Variants in WDR11 observed in about 807,000 individuals in gnomAD.
WDR11 encodes WD repeat-containing protein 11.
WDR11 carries 83 observed loss-of-function variants against 151.2 expected under a neutral mutation model. The observed-to-expected ratio is 0.55, with a 90% CI of 0.46 to 0.66. WDR11 has a LOEUF of 0.66. Among genes scored for constraint, WDR11 ranks in the 30% least tolerant of loss-of-function variants. WDR11 has a pLI of 0.00. For missense variants in WDR11, 1,301 were observed against 1,480.9 expected (o/e 0.88, Z 1.99); for synonymous variants, 484 against 533.1 (o/e 0.91, Z 1.27).
chr10:120,865,111 A>G lies in WDR11; in HGVS notation c.778A>G (p.Met260Val), dbSNP rs1846266876. The G allele has an allele frequency of 3.7e-6, 6 of 1,613,966 alleles. No individual in the cohort carries two copies. The highest frequency in any genetic ancestry group is 5.1e-6 in the Non-Finnish European group (6 of 1,179,874). ...ATACCTGCCTTCAAAAAGGAATCAC[A>G]TGTTGTTGCTCTATCCTCGAGAGAT... ...LAYLPSKRNH[M>V]LLLYPREILI... Residue 260 changes from methionine to valine, a missense_variant, in exon 6 of 29, where the codon ATG becomes GTG. Coordinates refer to ENST00000263461, the MANE Select transcript of WDR11 (RefSeq NM_018117.12).
At chr10:120,871,633 T>G (rs1028900327) in intron 10 of WDR11, among the ~76,000 whole-genome samples, 2 of 152,210 alleles carry the variant, frequency 1.3e-5, no homozygotes, top group East Asian at 1.9e-4. Context: ...GGCTCATCCC[T>G]GCAGTGCTGA....
intron 25 of WDR11, 138 bp from the exon 26 acceptor site, chr10:120,905,181 A>C (rs1420151302): frequency 5.9e-6 from 5 of 846,360 alleles, no homozygotes; most frequent in Middle Eastern, 6.6e-4. Context: ...ATTATGTTTC[A>C]GAATTTAAAT....
At chr10:120,865,854 A>G (rs886265943) in intron 7 of WDR11, 110 bp downstream of exon 7, 4 of 734,988 alleles carry the variant, frequency 5.4e-6, no homozygotes, top group East Asian at 2.7e-5. Flanking sequence ...CCTTGCTTTG[A>G]GGAAGTTTAA....
chr10:120,906,549 C>T (rs1848054123), intron 27 of WDR11: 2 of 1,394,892 alleles, frequency 1.4e-6, no homozygotes. Flanking sequence ...TGTATTTAAA[C>T]TATTTCACAA....
Position 120,886,716 on chromosome 10 carries a change from T to C in WDR11, c.2001T>C (p.Ser667=), listed in dbSNP as rs747715610. ...ISLLQEAESK[S]ELSQNISARE... is the part of the protein sequence containing the mutation. ...TGCTGCAGGAGGCAGAAAGTAAATC[T>C]GAACTTAGTCAGAACATCTCTGCCC... Residue 667 remains serine (S), a synonymous_variant, in exon 16 of 29, where the codon TCT becomes TCC. Transcript: ENST00000263461. 3.7e-6 allele frequency: 6 copies of C among 1,614,010 alleles called. No homozygotes were observed. The highest frequency in any genetic ancestry group is 4.2e-6 in the Non-Finnish European group (5 of 1,179,948).
At chr10:120,891,005 T>C (rs919751581) in intron 19 of WDR11, 118 bp downstream of exon 19, 1 of 1,118,776 alleles carries the variant, frequency 8.9e-7, no homozygotes, top group Non-Finnish European at 1.3e-6. Context: ...TCTTAGAATC[T>C]GAGTTTAAGA....
chr10:120,853,017 CAGA>C (rs993049723), intron 2 of WDR11, among the ~76,000 whole-genome samples: 10 of 151,858 alleles, frequency 6.6e-5, no homozygotes, highest in African/African-American at 2.2e-4. Context: ...TGTGAGAAAA[CAGA>C]GGAGCTGCAT....
Position 120,903,112 on chromosome 10 carries a change from C to T in WDR11, c.2811C>T (p.His937=), listed in dbSNP as rs1233008973. The change falls in exon 23 of 29, where the codon CAC becomes CAT. Residue 937 remains histidine (H), a synonymous_variant. Coordinates refer to ENST00000263461, the MANE Select transcript of WDR11 (RefSeq NM_018117.12). ...GGACTGTCGCTGCCCACTACCTGCA[C>T]AGCTTATCCCAGGAAAAGTCAGCCA... is the stretch of plus-strand genomic sequence containing the variant. ...HFWTVAAHYL[H]SLSQEKSAST... The T allele has an allele frequency of 5.0e-6, 8 of 1,614,068 alleles. No homozygotes were observed. Among genetic ancestry groups the T allele is most frequent in the Non-Finnish European group, 6.8e-6 (8 of 1,180,056 alleles).
chr10:120,877,896 A>G (rs1846853261), intron 11 of WDR11, among the ~76,000 whole-genome samples: 1 of 152,214 alleles, frequency 6.6e-6, no homozygotes, highest in South Asian at 2.1e-4. Context: ...CTTTATGAAT[A>G]TCTGTTGAAT....
chr10:120,904,507 T>C (rs1236823229), intron 24 of WDR11, 139 bp from the exon 25 acceptor site: 14 of 1,063,362 alleles, frequency 1.3e-5, no homozygotes, highest in East Asian at 2.6e-5. Context: ...CTCTGTTTAA[T>C]GTTTGTATTT....
At position 120,905,343 on chromosome 10, in the gene WDR11, TA is replaced by T; in HGVS notation, c.3219del (p.Ile1073MetfsTer28). 1 of 1,614,078 alleles carries T rather than the reference TA, an allele frequency of 6.2e-7. No homozygotes were observed. Among genetic ancestry groups the T allele is most frequent in the Non-Finnish European group, 8.5e-7 (1 of 1,180,016 alleles). On this transcript the variant is annotated frameshift_variant, in exon 26 of 29. Transcript: ENST00000263461. LOFTEE classifies it high-confidence loss of function. Reference sequence around the variant, plus strand: ...GAGGGCGTTCAGTTGCTCTGCCTGATAGATAAGGCTGCAGACGCCTGCCGCT... The same window carrying T: ...GAGGGCGTTCAGTTGCTCTGCCTGATGATAAGGCTGCAGACGCCTGCCGCT... ...LAEGVQLLCL[I>X]DKAADACRYL...
In WDR11 at chr10:120,909,276, T is replaced by G. The variant is rs1333688079; in HGVS notation, c.*563T>G. On this transcript the variant is annotated 3_prime_UTR_variant, in exon 29 of 29. Coordinates refer to ENST00000263461, the MANE Select transcript of WDR11 (RefSeq NM_018117.12). ...TAAGCAGTTGCTAAGTTTTGTAATT[T>G]TAGGCTCAGAGGACCATAGGAGGTT... 1.3e-5 allele frequency: 2 copies of G among 155,014 alleles called. No homozygotes were observed. Among genetic ancestry groups the G allele is most frequent in the Admixed American group, 6.3e-5 (1 of 15,854 alleles). 9.6% of individuals were successfully genotyped at this position (155,014 alleles called of 1,614,324 possible). A position where few individuals can be genotyped will look rare whatever the true frequency, so the allele number is the denominator to read the frequency against.
chr10:120,860,601 T>G (rs557341061), intron 4 of WDR11, among the ~76,000 whole-genome samples: 216 of 152,338 alleles, frequency 1.4e-3, no homozygotes, highest in African/African-American at 4.9e-3. Flanking sequence ...CTAAGAACAT[T>G]TAAATAACTT....
At chr10:120,883,965 C>A in intron 14 of WDR11, 77 bp downstream of exon 14, 3 of 1,233,218 alleles carry the variant, frequency 2.4e-6, no homozygotes, top group South Asian at 1.3e-5. Flanking sequence ...AAGCTTGAAT[C>A]AAAATCATTA....
chr10:120,853,483 T>A (rs1370874801), intron 2 of WDR11, among the ~76,000 whole-genome samples: 1 of 152,116 alleles, frequency 6.6e-6, no homozygotes, highest in Non-Finnish European at 1.5e-5. Context: ...GCCAGGATGG[T>A]CTCGAGCTCC....
intron 9 of WDR11, among the ~76,000 whole-genome samples, chr10:120,870,093 C>CT (rs1039089236): frequency 1.3e-5 from 2 of 152,082 alleles, no homozygotes; most frequent in Non-Finnish European, 2.9e-5. Flanking sequence ...CGGCCTCCAT[C>CT]TTTTTTTAAC....
intron 4 of WDR11, chr10:120,862,390 T>TGCCTCC (rs1846172803): frequency 4.6e-6 from 1 of 218,732 alleles, no homozygotes; most frequent in African/African-American, 2.4e-5. Flanking sequence ...TGCCTGCCTC[T>TGCCTCC]GCCTCCCAAA....
intron 11 of WDR11, among the ~76,000 whole-genome samples, chr10:120,877,024 T>C (rs111595070): frequency 8.5e-4 from 130 of 152,340 alleles, no homozygotes; most frequent in African/African-American, 3.1e-3. Context: ...AGATTTGTGC[T>C]AAGAATTTCA....
chr10:120,865,448 G>C (rs1185071734), intron 6 of WDR11, among the ~76,000 whole-genome samples, 182 bp from the exon 7 acceptor site: 1 of 152,002 alleles, frequency 6.6e-6, no homozygotes, highest in African/African-American at 2.4e-5. Flanking sequence ...AGTCACATGG[G>C]TAAAGACAAA....
Sources: gnomAD v4.1 joint callset for allele counts (sites outside exome capture counted in the v4.1 genomes callset) on GRCh38, gnomAD v4.1.1 for gene constraint, MANE v1.5 for transcripts, NCBI Gene and HGNC (gene_info 2026-07-23, HGNC 2026-07-21) for gene names.